The following LHCGR variants were observed in gnomAD, a reference collection of about 807,000 sequenced individuals.
LHCGR encodes luteinizing hormone/choriogonadotropin receptor, also known as lutropin-choriogonadotropic hormone receptor.
In LHCGR, 55 loss-of-function variants were observed where a neutral mutation model predicts 60.7. That is an observed-to-expected ratio of 0.91 (90% CI 0.73 to 1.13). The LOEUF is 1.13. Among genes scored for constraint, LHCGR ranks in the 50% most tolerant of loss-of-function variants. LHCGR has a pLI of 0.00. For missense variants in LHCGR, 862 were observed against 836.0 expected, an observed-to-expected ratio of 1.03 and a Z score of -0.38; for synonymous variants, 337 against 316.5, an observed-to-expected ratio of 1.06 and a Z score of -0.69.
At chr2:48,712,922 T>G (rs1668062567) in intron 7 of LHCGR, among the ~76,000 whole-genome samples, 1 of 152,178 alleles carries the variant, frequency 6.6e-6, no homozygotes, top group Non-Finnish European at 1.5e-5. Context: ...CCAAACGATA[T>G]AGCACATATC....
rs1156415680 is a variant in LHCGR, at chr2:48,755,491, C to A, written c.161+20G>T. The A allele has an allele frequency of 6.0e-6, 9 of 1,496,912 alleles. No homozygotes were observed. The highest frequency in any genetic ancestry group is 6.3e-6 in the Non-Finnish European group (7 of 1,104,180). 92.7% of individuals were successfully genotyped at this position (1,496,912 alleles called of 1,614,324 possible). On this transcript the variant is annotated intron_variant, in intron 1 of 10. Coordinates refer to ENST00000294954, the MANE Select transcript of LHCGR (RefSeq NM_000233.4). ...GGGTCCTGCATCAAGGGCGCCGCGA[C>A]GGGAGCGCTGTGTACTCACAGTCGA...
intron 7 of LHCGR, among the ~76,000 whole-genome samples, chr2:48,711,966 A>G (rs1259066320): frequency 6.6e-6 from 1 of 152,110 alleles, no homozygotes; most frequent in Non-Finnish European, 1.5e-5. Context: ...TATGGCATCT[A>G]AGGCCCTTCC....
intron 3 of LHCGR, among the ~76,000 whole-genome samples, chr2:48,726,730 G>T (rs146231563): frequency 7.2e-5 from 11 of 152,274 alleles, no homozygotes; most frequent in Admixed American, 4.6e-4. Context: ...TTTACTAATC[G>T]TATGACCTTA....
At chr2:48,691,029 A>T (rs1345287262) in intron 10 of LHCGR, among the ~76,000 whole-genome samples, 3 of 152,256 alleles carry the variant, frequency 2.0e-5, no homozygotes, top group Non-Finnish European at 4.4e-5. Context: ...TAGGCTCAAC[A>T]AACATTTTTG....
chr2:48,732,699 C>A (rs550634309), intron 1 of LHCGR, among the ~76,000 whole-genome samples: 9 of 152,286 alleles, frequency 5.9e-5, no homozygotes, highest in Middle Eastern at 3.4e-3. Flanking sequence ...GACATTGCAA[C>A]CTTGCTTCTC....
chr2:48,719,378 C>A (rs987199984), intron 6 of LHCGR, among the ~76,000 whole-genome samples: 4 of 152,098 alleles, frequency 2.6e-5, no homozygotes, highest in Non-Finnish European at 2.9e-5. Context: ...TGTGGCTTGT[C>A]ATGGGTGCAG....
In LHCGR at chr2:48,708,711, T is replaced by C. The variant is rs1012955445; in HGVS notation, c.680+237A>G. ...GAGGGAGCCAACCCCTGCTGACACC[T>C]TGATTTTGGACATCTAGCTTCCAGA... On this transcript the variant is annotated intron_variant, in intron 8 of 10. Coordinates refer to ENST00000294954, the MANE Select transcript of LHCGR (RefSeq NM_000233.4). The C allele has an allele frequency of 3.2e-5, 19 of 592,702 alleles. No homozygotes were observed. In the African/African-American group the frequency reaches 3.5e-4, roughly 11 times the overall value. The allele number at this position is 592,702 out of a possible 1,614,324, so 36.7% of individuals were successfully genotyped here.
In LHCGR at chr2:48,755,409, G is replaced by T. The variant is rs1572904789; in HGVS notation, c.161+102C>A. ...GATAGGGCAAAGCGTTTTTCTCCAA[G>T]CTTCCAGGGAAAGGGGGCCAAAGGA... On this transcript the variant is annotated intron_variant, in intron 1 of 10. Coordinates refer to ENST00000294954, the MANE Select transcript of LHCGR (RefSeq NM_000233.4). The T allele has an allele frequency of 7.8e-6, 6 of 764,716 alleles. No homozygotes were observed. In the East Asian group the frequency reaches 1.7e-4, roughly 21 times the overall value. The allele number at this position is 764,716 out of a possible 1,614,324, so 47.4% of individuals were successfully genotyped here. A position where few individuals can be genotyped will look rare whatever the true frequency, so the allele number is the denominator to read the frequency against.
Position 48,722,684 on chromosome 2 carries a change from A to G in LHCGR, c.536+772T>C, listed in dbSNP as rs1668554833. 2.6e-5 allele frequency among the ~76,000 whole-genome samples: 4 copies of G among 152,218 alleles called. No homozygotes were observed. The South Asian group carries it at 8.3e-4, about 31-fold the overall frequency. ...GTAAGTTTCCTGAGACCTCCCCAGA[A>G]GCTGAGCAGATGCCAGAATCATGCT... On this transcript the variant is annotated intron_variant, in intron 6 of 10. Transcript: ENST00000294954.
Position 48,687,557 on chromosome 2 carries a change from C to T in LHCGR, c.*140G>A. 1.5e-6 allele frequency: 1 copy of T among 672,848 alleles called. No individual in the cohort carries two copies. The highest frequency in any genetic ancestry group is 2.7e-5 in the East Asian group (1 of 37,092). 41.7% of individuals were successfully genotyped at this position (672,848 alleles called of 1,614,324 possible). On this transcript the variant is annotated 3_prime_UTR_variant, in exon 11 of 11. Transcript: ENST00000294954. ...CAGTGGTCATAGACTACACTTTCTA[C>T]TAGGTAGAGGTCTCTTGCCTAATGT...
At chr2:48,749,997 G>T (rs1249852535) in intron 1 of LHCGR, among the ~76,000 whole-genome samples, 2 of 152,188 alleles carry the variant, frequency 1.3e-5, no homozygotes, top group Non-Finnish European at 2.9e-5. Context: ...TTGCCTTGAG[G>T]CATGGCTGGG....
chr2:48,694,203 T>G (rs1370671534), intron 10 of LHCGR, 21 bp downstream of exon 10: 8 of 1,366,662 alleles, frequency 5.9e-6, no homozygotes, highest in African/African-American at 1.4e-5. Context: ...CTTCTGAGTT[T>G]CCTTGCATGC....
At chr2:48,743,654 TA>T (rs1367929375) in intron 1 of LHCGR, among the ~76,000 whole-genome samples, 1 of 151,598 alleles carries the variant, frequency 6.6e-6, no homozygotes, top group African/African-American at 2.4e-5. Context: ...CCCTTCATGC[TA>T]AAAACTCTCA....
chr2:48,745,271 T>G (rs1381225448), intron 1 of LHCGR, among the ~76,000 whole-genome samples: 1 of 152,206 alleles, frequency 6.6e-6, no homozygotes, highest in Non-Finnish European at 1.5e-5. Flanking sequence ...GTTCAACCAT[T>G]GTGGAAGTCA....
chr2:48,731,147 C>T, intron 2 of LHCGR, 80 bp downstream of exon 2: 4 of 916,174 alleles, frequency 4.4e-6, no homozygotes, highest in South Asian at 4.1e-5. Flanking sequence ...AAAAATTATC[C>T]CCTTTCAAAT....
At chr2:48,712,507 GT>G (rs1303431078) in intron 7 of LHCGR, among the ~76,000 whole-genome samples, 21 of 152,090 alleles carry the variant, frequency 1.4e-4, no homozygotes, top group Admixed American at 1.4e-3. Context: ...TAACTTAAGG[GT>G]TTTTGTTAAT....
At chr2:48,705,839 C>T (rs571771947) in intron 8 of LHCGR, among the ~76,000 whole-genome samples, 3 of 152,164 alleles carry the variant, frequency 2.0e-5, no homozygotes, top group South Asian at 2.1e-4. Context: ...GGTCTTGACT[C>T]GTTATCCAAT....
intron 6 of LHCGR, among the ~76,000 whole-genome samples, chr2:48,722,227 C>G (rs933328850): frequency 1.3e-5 from 2 of 152,138 alleles, no homozygotes; most frequent in African/African-American, 4.8e-5. Context: ...AGATGTATGG[C>G]AGGGATTCCA....
intron 9 of LHCGR, 52 bp from the exon 10 acceptor site, chr2:48,694,356 A>C: frequency 9.3e-7 from 1 of 1,079,418 alleles, no homozygotes; most frequent in Non-Finnish European, 1.4e-6. Context: ...CTTCAGGCTA[A>C]ACCTGACTGT....
Sources: gnomAD v4.1 joint callset for allele counts (sites outside exome capture counted in the v4.1 genomes callset) on GRCh38, gnomAD v4.1.1 for gene constraint, MANE v1.5 for transcripts, NCBI Gene and HGNC (gene_info 2026-07-23, HGNC 2026-07-21) for gene names.